Variants in INTS7 observed in about 807,000 individuals in gnomAD.
INTS7 encodes integrator complex subunit 7.
INTS7 carries 46 observed loss-of-function variants against 109.2 expected under a neutral mutation model. The ratio of observed to expected loss-of-function variants is 0.42; its 90% CI spans 0.33 to 0.54. The LOEUF (loss-of-function observed/expected upper bound fraction) is 0.54, where lower values mean the gene tolerates loss of function less well. INTS7 is among the 20% of genes least tolerant of loss of function. The pLI, the probability that INTS7 is intolerant of heterozygous loss-of-function variation, is 0.07. For synonymous variants in INTS7, 412 were observed against 402.9 expected (o/e 1.02, Z -0.27); for missense variants, 929 against 1,132.4 (o/e 0.82, Z 2.58).
intron 2 of INTS7, 128 bp downstream of exon 2, chr1:212,020,955 G>A (rs1666666762): frequency 1.2e-6 from 1 of 830,012 alleles, no homozygotes; most frequent in African/African-American, 1.7e-5. Context: ...GCTGCACACA[G>A]TCATGTGTGT....
intron 16 of INTS7, 101 bp from the exon 17 acceptor site, chr1:211,952,802 A>G: frequency 1.8e-6 from 2 of 1,111,794 alleles, no homozygotes; most frequent in Non-Finnish European, 2.6e-6. Flanking sequence ...TAATTTTTAA[A>G]ATAATGAAGT....
rs779924696 is a variant in INTS7 at position 211,946,577 on chromosome 1, A to G, written c.2415+30T>C. 8.4e-6 allele frequency: 11 copies of G among 1,314,876 alleles called. No homozygotes were observed. Among genetic ancestry groups the G allele is most frequent in the African/African-American group, 1.5e-5 (1 of 68,764 alleles). 81.5% of individuals were successfully genotyped at this position (1,314,876 alleles called of 1,614,324 possible). A position where few individuals can be genotyped will look rare whatever the true frequency, so the allele number is the denominator to read the frequency against. ...CAGAAGACACCTGGTTTTAAAACCT[A>G]TATTAACCTTAGTATTCTTCCTGTA... On this transcript the variant is annotated intron_variant, in intron 18 of 19. Transcript: ENST00000366994. This position sits in a 1 kb window ranked among gnomAD's most constrained non-coding sequence, Gnocchi z 4.3.
intron 1 of INTS7, chr1:212,025,831 TG>T (rs1178642663): frequency 1.3e-5 from 2 of 152,186 alleles, no homozygotes; most frequent in African/African-American, 4.8e-5. Flanking sequence ...AGAATATCTC[TG>T]TCCAGTAACC....
chr1:212,003,965 A>C (rs1221382064), intron 7 of INTS7, among the ~76,000 whole-genome samples: 1 of 152,256 alleles, frequency 6.6e-6, no homozygotes, highest in African/African-American at 2.4e-5. Context: ...GGTAGATTTA[A>C]ACTCAAATGT....
Position 211,978,321 on chromosome 1 carries a change from A to C in INTS7, c.1421T>G (p.Leu474Arg), listed in dbSNP as rs1266149919. The C allele has an allele frequency of 6.2e-7, 1 of 1,614,190 alleles. No individual in the cohort carries two copies. Among genetic ancestry groups the C allele is most frequent in the Non-Finnish European group, 8.5e-7 (1 of 1,180,030 alleles). ...GDGMLGDLME[L>R]YKVIGRSATD... is the part of the protein sequence containing the mutation. ...GGCTGATCGTCCAATCACCTTGTAC[A>C]GCTCCATGAGGTCACCAAGCATCCC... The change falls in exon 11 of 20, where the codon CTG (leucine) becomes CGG (arginine). Residue 474 changes from leucine (L) to arginine (R), a missense_variant. Physicochemically the swap from Leu to Arg is moderately radical, Grantham distance 102. Coordinates refer to ENST00000366994, the MANE Select transcript of INTS7 (RefSeq NM_015434.4).
chr1:212,026,107 C>G (rs1046513361), intron 1 of INTS7, among the ~76,000 whole-genome samples: 2 of 152,064 alleles, frequency 1.3e-5, no homozygotes, highest in Admixed American at 6.5e-5. Context: ...CAATATCACG[C>G]CACTGCACTC....
chr1:211,982,374 A>G (rs1438978836), intron 9 of INTS7, among the ~76,000 whole-genome samples: 1 of 152,192 alleles, frequency 6.6e-6, no homozygotes, highest in African/African-American at 2.4e-5. Flanking sequence ...CAAAAGGGGT[A>G]GAGTCCTAAG....
chr1:212,013,103 CAA>C (rs1299206620), intron 4 of INTS7, among the ~76,000 whole-genome samples: 1 of 152,176 alleles, frequency 6.6e-6, no homozygotes, highest in Admixed American at 6.5e-5. Context: ...ACAGTGGCCT[CAA>C]GAGATTATAA....
Position 211,978,508 on chromosome 1 carries a change from C to A in INTS7, c.1234G>T (p.Ala412Ser), listed in dbSNP as rs1183391084. 3 of 1,613,946 alleles carry A rather than the reference C, an allele frequency of 1.9e-6. No homozygotes were observed. Among genetic ancestry groups the A allele is most frequent in the Non-Finnish European group, 8.5e-7 (1 of 1,179,978 alleles). Residue 412 changes from alanine (A) to serine (S), a missense_variant, in exon 11 of 20, where the codon GCT (alanine) becomes TCT (serine). Ala to Ser is a moderately conservative substitution (Grantham distance 99). Transcript: ENST00000366994. ...SPGAQATLKI[A>S]LNCMVKLAKG... ...GCCAACTTCACCATACAGTTTAGAG[C>A]AATCTGCACGCCAAAAAGAAAATGA...
At chr1:212,019,376 C>G (rs1050094681) in intron 3 of INTS7, among the ~76,000 whole-genome samples, 17 of 152,066 alleles carry the variant, frequency 1.1e-4, no homozygotes, top group Non-Finnish European at 7.4e-5. Flanking sequence ...AAAGAAATGA[C>G]AAAAGCACTA....
chr1:212,033,750 G>A (rs1432571964), intron 1 of INTS7, among the ~76,000 whole-genome samples: 1 of 152,116 alleles, frequency 6.6e-6, no homozygotes, highest in East Asian at 1.9e-4. Flanking sequence ...TGAGGAATAA[G>A]AAAGAAATGT....
rs1413340909 is a variant in INTS7 at position 212,035,496 on chromosome 1, C to A, written c.-59G>T. 2.9e-5 allele frequency: 36 copies of A among 1,235,466 alleles called. 1 individual carries two copies. The highest frequency in any genetic ancestry group is 2.3e-5 in the East Asian group (1 of 43,126). The allele number at this position is 1,235,466 out of a possible 1,614,324, so 76.5% of individuals were successfully genotyped here. On this transcript the variant is annotated 5_prime_UTR_variant, in exon 1 of 20. Coordinates refer to ENST00000366994, the MANE Select transcript of INTS7 (RefSeq NM_015434.4). Reference sequence around the variant, plus strand: ...AAGCTTGCAAACTCTACCCCAGGACCGCCATCTTCCCCCGCCGCCTTCTTG... The same window carrying A: ...AAGCTTGCAAACTCTACCCCAGGACAGCCATCTTCCCCCGCCGCCTTCTTG...
chr1:212,035,201 A>T (rs931066257), intron 1 of INTS7, 143 bp downstream of exon 1: 1 of 652,464 alleles, frequency 1.5e-6, no homozygotes, highest in African/African-American at 1.8e-5. Flanking sequence ...GTCAAAGCCC[A>T]CGCCCCAGCA....
At position 211,946,552 on chromosome 1, in the gene INTS7, CAGA is replaced by C. The variant is rs1319770727; in HGVS notation, c.2415+52_2415+54del. ...GTGTAGCTATGTCCTACATAATCTT[CAGA>C]AGACACCTGGTTTTAAAACCTATAT... On this transcript the variant is annotated intron_variant, in intron 18 of 19. Transcript: ENST00000366994. The surrounding 1 kb of genome is among the most constrained non-coding windows in gnomAD (Gnocchi z 4.3). The C allele has an allele frequency of 9.8e-7, 1 of 1,023,632 alleles. No individual in the cohort carries two copies. Among genetic ancestry groups the C allele is most frequent in the African/African-American group, 1.6e-5 (1 of 62,712 alleles). The allele number at this position is 1,023,632 out of a possible 1,614,324, so 63.4% of individuals were successfully genotyped here. A position where few individuals can be genotyped will look rare whatever the true frequency, so the allele number is the denominator to read the frequency against.
intron 16 of INTS7, among the ~76,000 whole-genome samples, chr1:211,963,788 C>G (rs1396250277): frequency 6.6e-6 from 1 of 151,670 alleles, no homozygotes; most frequent in Non-Finnish European, 1.5e-5. Flanking sequence ...AATTCCATAT[C>G]CCATTATATT....
At chr1:211,985,741 AG>A (rs1664866438) in intron 8 of INTS7, among the ~76,000 whole-genome samples, 1 of 152,184 alleles carries the variant, frequency 6.6e-6, no homozygotes, top group Admixed American at 6.6e-5. Flanking sequence ...AACCTTTGTG[AG>A]TCTCAGTTTC....
At chr1:212,030,013 G>C (rs1359621643) in intron 1 of INTS7, among the ~76,000 whole-genome samples, 1 of 152,190 alleles carries the variant, frequency 6.6e-6, no homozygotes, top group East Asian at 1.9e-4. Context: ...CAAGATGTAT[G>C]CAACATCATC....
intron 16 of INTS7, among the ~76,000 whole-genome samples, chr1:211,956,697 T>C (rs927314702): frequency 1.3e-5 from 2 of 152,226 alleles, no homozygotes; most frequent in Non-Finnish European, 2.9e-5. Context: ...TTTTCTCTTT[T>C]GGCTTCTTTC....
At chr1:212,022,447 C>G (rs1666748942) in intron 1 of INTS7, among the ~76,000 whole-genome samples, 1 of 152,146 alleles carries the variant, frequency 6.6e-6, no homozygotes, top group South Asian at 2.1e-4. Context: ...GTTGTAATTC[C>G]ATAATACAAA....
Sources: gnomAD v4.1 joint callset for allele counts (sites outside exome capture counted in the v4.1 genomes callset) on GRCh38, gnomAD v4.1.1 for gene constraint, Gnocchi (gnomAD v3.1) non-coding constraint, MANE v1.5 for transcripts, NCBI Gene and HGNC (gene_info 2026-07-23, HGNC 2026-07-21) for gene names.